Variants in GDA observed in about 807,000 individuals in gnomAD.
GDA encodes cytoplasmic PSD-95 interactor.
Under a neutral mutation model 59.6 loss-of-function variants are expected in GDA, and 18 were observed. The ratio of observed to expected loss-of-function variants is 0.30; its 90% CI spans 0.21 to 0.45. The LOEUF is 0.45. GDA is among the 20% of genes least tolerant of loss of function. The pLI is 1.00. For synonymous variants in GDA, 201 were observed against 201.1 expected, an observed-to-expected ratio of 1.00 and a Z score of 0.00; for missense variants, 427 against 552.3, an observed-to-expected ratio of 0.77 and a Z score of 2.27.
intron 10 of GDA, among the ~76,000 whole-genome samples, chr9:72,238,327 A>G (rs1356772741): frequency 6.6e-6 from 1 of 152,076 alleles, no homozygotes; most frequent in Admixed American, 6.5e-5. Context: ...TTTAAATGTC[A>G]TTGCCTTAAA....
chr9:72,120,633 T>C (rs906771340), intron 1 of GDA, among the ~76,000 whole-genome samples: 1 of 152,228 alleles, frequency 6.6e-6, no homozygotes, highest in Non-Finnish European at 1.5e-5. Context: ...AATCAAGTGA[T>C]TTAGTAAGCA....
At chr9:72,247,707 T>C (rs1564206193) in intron 13 of GDA, among the ~76,000 whole-genome samples, 1 of 152,194 alleles carries the variant, frequency 6.6e-6, no homozygotes, top group Non-Finnish European at 1.5e-5. Flanking sequence ...TGTTCAACCC[T>C]CTTGTACTCA....
In GDA at chr9:72,237,072, G is replaced by A. The variant is rs1000005537; in HGVS notation, c.989-4080G>A. On this transcript the variant is annotated intron_variant, in intron 10 of 13. Transcript: ENST00000358399. Reference sequence around the variant, plus strand: ...TGGGATTGCAGGCATAAGCCACCACGCCTGGCACAAAACCCCTTCTTAATC... The same window carrying A: ...TGGGATTGCAGGCATAAGCCACCACACCTGGCACAAAACCCCTTCTTAATC... Among the ~76,000 whole-genome samples, 6 of 151,900 alleles carry A rather than the reference G, an allele frequency of 3.9e-5. No homozygotes were observed. In the South Asian group the frequency reaches 6.2e-4, roughly 16 times the overall value.
At chr9:72,121,721 A>T (rs952203264) in intron 1 of GDA, among the ~76,000 whole-genome samples, 1 of 152,212 alleles carries the variant, frequency 6.6e-6, no homozygotes, top group Non-Finnish European at 1.5e-5. Flanking sequence ...TTCCTGAAAG[A>T]CTTGTATACA....
downstream of GDA, among the ~76,000 whole-genome samples, chr9:72,256,519 A>C (rs971259873): frequency 3.3e-5 from 5 of 152,224 alleles, no homozygotes; most frequent in Admixed American, 2.0e-4. Flanking sequence ...TGTGGTGGTG[A>C]ATCTTTCACA....
At chr9:72,169,490 T>A (rs1829709444) in intron 1 of GDA, among the ~76,000 whole-genome samples, 1 of 152,224 alleles carries the variant, frequency 6.6e-6, no homozygotes, top group Admixed American at 6.5e-5. Flanking sequence ...TTAAATCTAT[T>A]CTTTTGGAAA....
At chr9:72,168,739 T>C (rs2130925377) in intron 1 of GDA, among the ~76,000 whole-genome samples, 1 of 152,270 alleles carries the variant, frequency 6.6e-6, no homozygotes, top group Non-Finnish European at 1.5e-5. Context: ...ATCTTTTACA[T>C]ATATTAACTC....
intron 1 of GDA, among the ~76,000 whole-genome samples, chr9:72,180,313 C>T (rs12376597): frequency 0.18 from 27,771 of 151,974 alleles, 2,859 homozygotes; most frequent in African/African-American, 0.29. Flanking sequence ...GACAAGACTA[C>T]GCCACTGCAC....
At chr9:72,204,973 G>A (rs1330144100) in intron 3 of GDA, among the ~76,000 whole-genome samples, 4 of 152,162 alleles carry the variant, frequency 2.6e-5, no homozygotes, top group Admixed American at 6.5e-5. Context: ...TTAGCTGGGT[G>A]TGGTGGCATG....
intron 1 of GDA, among the ~76,000 whole-genome samples, chr9:72,152,737 G>A (rs1827370929): frequency 6.6e-6 from 1 of 152,022 alleles, no homozygotes; most frequent in Admixed American, 6.6e-5. Flanking sequence ...CCATTTTGTA[G>A]GTTGCCTGTT....
At chr9:72,217,701 T>G (rs1836310250) in intron 5 of GDA, among the ~76,000 whole-genome samples, 1 of 152,226 alleles carries the variant, frequency 6.6e-6, no homozygotes, top group African/African-American at 2.4e-5. Flanking sequence ...GGATTTGCTT[T>G]TAAGTACATA....
intron 3 of GDA, among the ~76,000 whole-genome samples, chr9:72,209,811 A>G (rs1203774337): frequency 1.3e-5 from 2 of 152,178 alleles, no homozygotes; most frequent in African/African-American, 4.8e-5. Context: ...TTTTAGAGCC[A>G]TTCATTTTCT....
At chr9:72,223,582 A>T (rs1216468636) in intron 7 of GDA, among the ~76,000 whole-genome samples, 1 of 152,204 alleles carries the variant, frequency 6.6e-6, no homozygotes, top group African/African-American at 2.4e-5. Flanking sequence ...CTTTCACTTG[A>T]TACTTTCTCA....
chr9:72,259,010 T>C (rs1166149501), downstream of GDA, among the ~76,000 whole-genome samples: 3 of 151,784 alleles, frequency 2.0e-5, no homozygotes, highest in Non-Finnish European at 4.4e-5. Flanking sequence ...TCAAATGTAC[T>C]GTACAAATAA....
At chr9:72,151,548 G>A (rs1236825894) in intron 1 of GDA, among the ~76,000 whole-genome samples, 4 of 151,938 alleles carry the variant, frequency 2.6e-5, no homozygotes, top group East Asian at 3.9e-4. Context: ...AAAATAATAC[G>A]CCTTTGGAAT....
Position 72,214,576 on chromosome 9 carries a change from G to A in GDA, c.578+585G>A, listed in dbSNP as rs916804349. 4.6e-5 allele frequency among the ~76,000 whole-genome samples: 7 copies of A among 152,034 alleles called. 1 individual carries two copies. The highest frequency in any genetic ancestry group is 1.7e-4 in the African/African-American group (7 of 41,410). On this transcript the variant is annotated intron_variant, in intron 5 of 13. Transcript: ENST00000358399. ...CCCAAAGTGCTGAGATTACAGGCGTGAGCCACCACGCCCAGCCCACATCTG... is the reference window on the plus strand; with the variant it reads ...CCCAAAGTGCTGAGATTACAGGCGTAAGCCACCACGCCCAGCCCACATCTG...
chr9:72,231,955 TTG>T (rs1159137740), intron 10 of GDA, among the ~76,000 whole-genome samples: 1 of 152,242 alleles, frequency 6.6e-6, no homozygotes, highest in Non-Finnish European at 1.5e-5. Context: ...GGCAGTCTGC[TTG>T]TCTACTAGGC....
Position 72,184,575 on chromosome 9 carries a change from T to C in GDA, c.124-10925T>C, listed in dbSNP as rs535016502. Among the ~76,000 whole-genome samples, 14 of 152,326 alleles carry C rather than the reference T, an allele frequency of 9.2e-5. No homozygotes were observed. In the South Asian group the frequency reaches 2.9e-3, roughly 32 times the overall value. ...ACTGAATAATATTCCGTTTTCTGGA[T>C]GTACCGCAGTTTATTTATCCATTCT... is the stretch of plus-strand genomic sequence containing the variant. On this transcript the variant is annotated intron_variant, in intron 1 of 13. Coordinates refer to ENST00000358399, the MANE Select transcript of GDA (RefSeq NM_004293.5).
At chr9:72,144,242 A>C (rs1473089266) in intron 1 of GDA, among the ~76,000 whole-genome samples, 1 of 152,166 alleles carries the variant, frequency 6.6e-6, no homozygotes, top group East Asian at 1.9e-4. Flanking sequence ...TAATATTAAC[A>C]ATAGACTTCT....
Sources: allele counts gnomAD v4.1 joint callset (sites outside exome capture counted in the v4.1 genomes callset), GRCh38; gene constraint gnomAD v4.1.1; transcripts MANE v1.5; gene names NCBI Gene and HGNC (gene_info 2026-07-23, HGNC 2026-07-21).